ABCB1: variants seen among roughly 807,000 people sequenced by gnomAD.
ABCB1 encodes ATP-dependent translocase ABCB1.
ABCB1 carries 69 observed loss-of-function variants against 142.0 expected under a neutral mutation model. The observed-to-expected ratio is 0.49, with a 90% CI of 0.40 to 0.59. The LOEUF (loss-of-function observed/expected upper bound fraction) is 0.59, where lower values mean the gene tolerates loss of function less well. Among genes scored for constraint, ABCB1 ranks in the 20% least tolerant of loss-of-function variants. The pLI is 0.00. For missense variants in ABCB1, 1,326 were observed against 1,554.7 expected (o/e 0.85, Z 2.47); for synonymous variants, 532 against 539.2 (o/e 0.99, Z 0.18).
At chr7:87,628,584 CGTGTGTGTGTGT>C (rs71117546) in intron 1 of ABCB1, 7,992 of 288,036 alleles carry the variant, frequency 0.028, 9 homozygotes, top group Middle Eastern at 0.064. Flanking sequence ...TGCGTGCGTG[CGTGTGTGTGTGT>C]GTGTGTGTGT....
intron 1 of ABCB1, among the ~76,000 whole-genome samples, chr7:87,649,265 C>T (rs1220263026): frequency 1.3e-5 from 2 of 152,066 alleles, no homozygotes; most frequent in Admixed American, 1.3e-4. Context: ...CATGATAGGA[C>T]GTTTAAACAT....
At chr7:87,597,488 A>G (rs1351496363) in intron 2 of ABCB1, among the ~76,000 whole-genome samples, 1 of 152,120 alleles carries the variant, frequency 6.6e-6, no homozygotes, top group African/African-American at 2.4e-5. Context: ...TTTGAAAAAA[A>G]AAGTCTATAG....
intron 1 of ABCB1, among the ~76,000 whole-genome samples, chr7:87,623,443 C>T (rs1341174325): frequency 6.6e-6 from 1 of 152,232 alleles, no homozygotes; most frequent in Non-Finnish European, 1.5e-5. Flanking sequence ...TCAAGGTACT[C>T]TTCATTATGT....
At position 87,595,783 on chromosome 7, in the gene ABCB1, C is replaced by T. The variant is rs533117495; in HGVS notation, c.100G>A (p.Val34Ile). ...EKDKKEKKPT[V>I]SVFSMFRYSN... ...AAACTCACCATTGAAAATACACTGA[C>T]AGTTGGTTTCTTTTCCTTCTTATCT... Residue 34 changes from valine (V) to isoleucine (I), a missense_variant, in exon 3 of 28, where the codon GTC becomes ATC. Physicochemically the swap from Val to Ile is conservative, Grantham distance 29. Coordinates refer to ENST00000622132, the MANE Select transcript of ABCB1 (RefSeq NM_001348946.2). The T allele has an allele frequency of 1.9e-6, 3 of 1,610,822 alleles. No homozygotes were observed. In the South Asian group the frequency reaches 3.3e-5, roughly 18 times the overall value.
chr7:87,665,507 T>C (rs998833710), intron 1 of ABCB1, among the ~76,000 whole-genome samples: 1 of 152,136 alleles, frequency 6.6e-6, no homozygotes, highest in African/African-American at 2.4e-5. Context: ...ATGTCCATAC[T>C]ACCCAAAGTG....
chr7:87,603,009 A>C (rs1819516924), upstream of ABCB1: 1 of 152,082 alleles, frequency 6.6e-6, no homozygotes, highest in Non-Finnish European at 1.5e-5. Flanking sequence ...AAGCGGTGAT[A>C]TTTCCATTTG....
At chr7:87,599,951 A>G (rs1390774281) in intron 2 of ABCB1, among the ~76,000 whole-genome samples, 166 bp downstream of exon 2, 1 of 152,250 alleles carries the variant, frequency 6.6e-6, no homozygotes, top group Non-Finnish European at 1.5e-5. Flanking sequence ...CCACTCAGCC[A>G]ACAAACTTCT....
chr7:87,585,723 A>G (rs757825655), intron 3 of ABCB1, 43 bp from the exon 4 acceptor site: 72 of 1,596,194 alleles, frequency 4.5e-5, no homozygotes, highest in Non-Finnish European at 6.0e-5. Flanking sequence ...AAATTAGTAC[A>G]GTTTCATGGA....
chr7:87,543,837 C>T (rs1164418486), intron 17 of ABCB1, among the ~76,000 whole-genome samples: 3 of 152,164 alleles, frequency 2.0e-5, no homozygotes, highest in Non-Finnish European at 4.4e-5. Context: ...TGTTCAGAGC[C>T]AAATGTTGGC....
At chr7:87,709,436 A>G (rs1451267714) in intron 1 of ABCB1, 13 of 985,172 alleles carry the variant, frequency 1.3e-5, no homozygotes, top group Non-Finnish European at 1.4e-5. Flanking sequence ...AGCTAACTGC[A>G]GGTTCCCCTA....
rs1351372778 is a variant in ABCB1 at position 87,503,499 on chromosome 7, C to G, written c.*744G>C. 1 of 152,058 alleles carries G rather than the reference C, an allele frequency of 6.6e-6. No homozygotes were observed. The highest frequency in any genetic ancestry group is 2.4e-5 in the African/African-American group (1 of 41,394). The allele number at this position is 152,058 out of a possible 1,614,324, so 9.4% of individuals were successfully genotyped here. A position where few individuals can be genotyped will look rare whatever the true frequency, so the allele number is the denominator to read the frequency against. On this transcript the variant is annotated 3_prime_UTR_variant, in exon 28 of 28. Transcript: ENST00000622132. The stretch of plus-strand genomic sequence containing the variant: ...GGAAGTGTAAAAATCTTAAAAAATC[C>G]TTAAAGAACCCTTTATAAAAGCAAT...
intron 9 of ABCB1, among the ~76,000 whole-genome samples, chr7:87,552,447 A>G (rs1025293143): frequency 6.6e-6 from 1 of 152,180 alleles, no homozygotes; most frequent in African/African-American, 2.4e-5. Flanking sequence ...GCCCTAAATC[A>G]TACAGCTAAT....
At chr7:87,578,525 C>G (rs1051853813) in intron 4 of ABCB1, among the ~76,000 whole-genome samples, 8 of 152,036 alleles carry the variant, frequency 5.3e-5, no homozygotes, top group African/African-American at 1.9e-4. Flanking sequence ...TTAAAAATAT[C>G]CATTCTTCCA....
At chr7:87,612,460 A>C (rs1357176692) in intron 1 of ABCB1, among the ~76,000 whole-genome samples, 1 of 152,244 alleles carries the variant, frequency 6.6e-6, no homozygotes, top group Middle Eastern at 3.4e-3. Context: ...ATAGGGATCC[A>C]GTTTCATTCT....
At position 87,685,241 on chromosome 7, in the gene ABCB1, T is replaced by G. The variant is rs367603711; in HGVS notation, c.-331+27920A>C. On this transcript the variant is annotated intron_variant, in intron 1 of 28. Coordinates refer to the ABCB1 transcript ENST00000265724. ...CAAAGAATTGCTATAAAAACCTTAA[T>G]AATATGAAAACCAATCCAATTTTAA... is the stretch of plus-strand genomic sequence containing the variant. Among the ~76,000 whole-genome samples the G allele has an allele frequency of 5.9e-5, 9 of 152,238 alleles. No homozygotes were observed. The East Asian group carries it at 1.7e-3, about 29-fold the overall frequency.
chr7:87,641,370 G>A lies in ABCB1; in HGVS notation c.-330-40292C>T, dbSNP rs371518065. ...TCATCTTCCTCCATAAGATTGAGTA[G>A]CAGCTGATTGCTTTCATCCAATCAG... On this transcript the variant is annotated intron_variant, in intron 1 of 28. Coordinates refer to the ABCB1 transcript ENST00000265724. Among the ~76,000 whole-genome samples, 4 of 152,284 alleles carry A rather than the reference G, an allele frequency of 2.6e-5. No individual in the cohort carries two copies. The East Asian group carries it at 5.8e-4, about 22-fold the overall frequency.
chr7:87,519,081 C>T (rs575504883), intron 23 of ABCB1: 2 of 555,976 alleles, frequency 3.6e-6, no homozygotes, highest in East Asian at 6.1e-5. Context: ...AATCACTCCA[C>T]TCAGTCACAG....
chr7:87,566,659 A>C (rs1817794456), intron 6 of ABCB1, 126 bp downstream of exon 6: 14 of 971,194 alleles, frequency 1.4e-5, no homozygotes, highest in Non-Finnish European at 2.2e-5. Flanking sequence ...GCTGCTTAGA[A>C]GGAATTTTGT....
At chr7:87,697,543 C>G (rs192268078) in intron 1 of ABCB1, among the ~76,000 whole-genome samples, 3 of 152,322 alleles carry the variant, frequency 2.0e-5, no homozygotes, top group East Asian at 1.9e-4. Flanking sequence ...GAAGATTTCT[C>G]TAGATTCCAA....
Sources: allele counts gnomAD v4.1 joint callset (sites outside exome capture counted in the v4.1 genomes callset), GRCh38; gene constraint gnomAD v4.1.1; transcripts MANE v1.5; gene names NCBI Gene and HGNC (gene_info 2026-07-23, HGNC 2026-07-21).